Variants in SEMA5A observed in about 807,000 individuals in gnomAD.
The protein encoded by SEMA5A is semaphorin-5A.
SEMA5A carries 55 observed loss-of-function variants against 135.5 expected under a neutral mutation model. The ratio of observed to expected loss-of-function variants is 0.41; its 90% CI spans 0.33 to 0.51. SEMA5A has a LOEUF of 0.51. Among genes scored for constraint, SEMA5A ranks in the 20% least tolerant of loss-of-function variants. SEMA5A has a pLI of 0.37. For synonymous variants in SEMA5A, 580 were observed against 546.5 expected, an observed-to-expected ratio of 1.06 and a Z score of -0.85; for missense variants, 1,290 against 1,419.9, an observed-to-expected ratio of 0.91 and a Z score of 1.47.
intron 3 of SEMA5A, among the ~76,000 whole-genome samples, chr5:9,357,716 G>A (rs541246824): frequency 1.6e-4 from 24 of 152,232 alleles, no homozygotes; most frequent in African/African-American, 4.6e-4. Flanking sequence ...ACATCAAGGC[G>A]GGAAGCCCCA....
chr5:9,538,316 T>C (rs2126374139), intron 1 of SEMA5A, among the ~76,000 whole-genome samples: 1 of 152,210 alleles, frequency 6.6e-6, no homozygotes, highest in South Asian at 2.1e-4. Flanking sequence ...CTTTAAATAC[T>C]CAGGCTCTGG....
chr5:9,496,382 T>G (rs909076431), intron 1 of SEMA5A, among the ~76,000 whole-genome samples: 1 of 152,194 alleles, frequency 6.6e-6, no homozygotes, highest in African/African-American at 2.4e-5. Context: ...TAATGTCAAC[T>G]AATGAAGAAT....
chr5:9,334,531 C>T (rs548145631), intron 4 of SEMA5A, among the ~76,000 whole-genome samples: 14 of 152,334 alleles, frequency 9.2e-5, no homozygotes, highest in Admixed American at 4.6e-4. Context: ...TGCGCGCTCA[C>T]CAGCCTGCCT....
chr5:9,451,355 A>G (rs1181824697), intron 1 of SEMA5A, among the ~76,000 whole-genome samples: 1 of 152,210 alleles, frequency 6.6e-6, no homozygotes, highest in African/African-American at 2.4e-5. Context: ...TGTTGGGGAG[A>G]TGACAAAACC....
intron 1 of SEMA5A, among the ~76,000 whole-genome samples, chr5:9,473,632 A>G (rs1244498866): frequency 6.6e-6 from 1 of 151,872 alleles, no homozygotes; most frequent in African/African-American, 2.4e-5. Context: ...GGAGCTGAAG[A>G]GGAGGGGCTG....
chr5:9,078,399 A>T (rs1387662601), intron 16 of SEMA5A, among the ~76,000 whole-genome samples: 1 of 152,200 alleles, frequency 6.6e-6, no homozygotes, highest in Non-Finnish European at 1.5e-5. Context: ...GAACTTTGGA[A>T]GCATTGAATA....
intron 1 of SEMA5A, among the ~76,000 whole-genome samples, chr5:9,542,315 T>C (rs959606079): frequency 2.0e-5 from 3 of 152,216 alleles, no homozygotes; most frequent in Admixed American, 2.0e-4. Flanking sequence ...AACCTAATTT[T>C]CAACCAAACT....
chr5:9,160,404 A>G (rs1272909019), intron 11 of SEMA5A, among the ~76,000 whole-genome samples: 1 of 152,210 alleles, frequency 6.6e-6, no homozygotes, highest in African/African-American at 2.4e-5. Context: ...TAAAGAGAGT[A>G]ACATGCAAAG....
chr5:9,179,783 C>T (rs1346045292), intron 11 of SEMA5A, among the ~76,000 whole-genome samples: 1 of 152,098 alleles, frequency 6.6e-6, no homozygotes, highest in African/African-American at 2.4e-5. Context: ...TAGGAGAAGA[C>T]CAGGCTACTC....
chr5:9,086,147 T>C (rs1470639847), intron 16 of SEMA5A, among the ~76,000 whole-genome samples: 2 of 152,244 alleles, frequency 1.3e-5, no homozygotes, highest in Non-Finnish European at 2.9e-5. Flanking sequence ...GGGACTTGCC[T>C]TGTCTCAGAT....
intron 16 of SEMA5A, among the ~76,000 whole-genome samples, chr5:9,103,726 T>A (rs569652730): frequency 6.6e-6 from 1 of 152,354 alleles, no homozygotes; most frequent in African/African-American, 2.4e-5. Flanking sequence ...AAGGTAAATC[T>A]GCTAAACCTT....
At chr5:9,415,506 G>C (rs1757253319) in intron 2 of SEMA5A, among the ~76,000 whole-genome samples, 1 of 152,180 alleles carries the variant, frequency 6.6e-6, no homozygotes, top group Non-Finnish European at 1.5e-5. Flanking sequence ...AATTCTGCAT[G>C]TAATGAAAGA....
At chr5:9,388,325 G>A (rs534151240) in intron 2 of SEMA5A, among the ~76,000 whole-genome samples, 4 of 152,096 alleles carry the variant, frequency 2.6e-5, no homozygotes, top group South Asian at 2.1e-4. Context: ...CTGGAGGAAC[G>A]ATAAAAATAA....
At chr5:9,219,603 G>T (rs1031433520) in intron 8 of SEMA5A, among the ~76,000 whole-genome samples, 3 of 152,140 alleles carry the variant, frequency 2.0e-5, no homozygotes, top group African/African-American at 7.2e-5. Flanking sequence ...GGAAGACCAT[G>T]TTTAGAAGAT....
rs761276825 is a variant in SEMA5A, at chr5:9,119,031, C to T, written c.1892G>A (p.Gly631Asp). Reference protein sequence around the residue: ...SCSNPTPRHGGRVCVGQNREE... With the variant: ...SCSNPTPRHGDRVCVGQNREE... Reference sequence around the variant, plus strand: ...GCGGTTCTGTCCCACGCACACCCGGCCCCCGTGCCTGGGAGTGGGGTTGCT... The same window carrying T: ...GCGGTTCTGTCCCACGCACACCCGGTCCCCGTGCCTGGGAGTGGGGTTGCT... Residue 631 changes from glycine (G) to aspartate (D), a missense_variant, in exon 15 of 23, where the codon GGC becomes GAC. Gly to Asp is a moderately conservative substitution (Grantham distance 94). This residue lies in a region of SEMA5A where 1,029 missense variants were observed against 1,086.6 expected (regional missense o/e 0.95). Coordinates refer to ENST00000382496, the MANE Select transcript of SEMA5A (RefSeq NM_003966.3). 3 of 1,613,566 alleles carry T rather than the reference C, an allele frequency of 1.9e-6. No homozygotes were observed. Among genetic ancestry groups the T allele is most frequent in the African/African-American group, 2.7e-5 (2 of 75,032 alleles).
At chr5:9,459,775 A>G (rs1406470534) in intron 1 of SEMA5A, among the ~76,000 whole-genome samples, 1 of 152,250 alleles carries the variant, frequency 6.6e-6, no homozygotes, top group Non-Finnish European at 1.5e-5. Flanking sequence ...CAAGTTGTTA[A>G]ATACAGAGAA....
chr5:9,470,966 T>C (rs986084471), intron 1 of SEMA5A, among the ~76,000 whole-genome samples: 3 of 152,196 alleles, frequency 2.0e-5, no homozygotes, highest in African/African-American at 7.2e-5. Context: ...CGATCCTAGT[T>C]ATTTTTTATC....
chr5:9,338,315 AT>A (rs1206686800), intron 3 of SEMA5A, among the ~76,000 whole-genome samples: 1 of 152,148 alleles, frequency 6.6e-6, no homozygotes, highest in Admixed American at 6.5e-5. Flanking sequence ...TGGCCCCATG[AT>A]TAGACTTGTT....
At chr5:9,243,687 T>C (rs1391550844) in intron 5 of SEMA5A, among the ~76,000 whole-genome samples, 2 of 152,200 alleles carry the variant, frequency 1.3e-5, no homozygotes, top group Non-Finnish European at 2.9e-5. Flanking sequence ...CCTCGTTTAA[T>C]GTGAGAGGTA....
Sources: allele counts gnomAD v4.1 joint callset (sites outside exome capture counted in the v4.1 genomes callset), GRCh38; gene constraint gnomAD v4.1.1; regional missense constraint gnomAD v4.1.1; transcripts MANE v1.5; gene names NCBI Gene and HGNC (gene_info 2026-07-23, HGNC 2026-07-21).